Variants in SLC2A6 observed in about 807,000 individuals in gnomAD.
SLC2A6 encodes the protein solute carrier family 2 member 6, also known as solute carrier family 2, facilitated glucose transporter member 6.
Under a neutral mutation model 47.8 loss-of-function variants are expected in SLC2A6, and 39 were observed. That is an observed-to-expected ratio of 0.82 (90% CI 0.63 to 1.07). The LOEUF is 1.07. Among genes scored for constraint, SLC2A6 ranks in the 50% least tolerant of loss-of-function variants. The pLI is 0.00. For synonymous variants in SLC2A6, 346 were observed against 324.1 expected, an observed-to-expected ratio of 1.07 and a Z score of -0.73; for missense variants, 650 against 707.6, an observed-to-expected ratio of 0.92 and a Z score of 0.92.
At chr9:133,477,795 TAAC>T (rs1374015962) in intron 2 of SLC2A6, among the ~76,000 whole-genome samples, 1 of 152,266 alleles carries the variant, frequency 6.6e-6, no homozygotes, top group Non-Finnish European at 1.5e-5. Flanking sequence ...ATTTTTATCT[TAAC>T]TACTATGTTA....
rs781900379 is a variant in SLC2A6 at position 133,474,982 on chromosome 9, G to A, written c.906C>T (p.Phe302=). Residue 302 remains phenylalanine (F), a synonymous_variant, in exon 6 of 10, where the codon TTC becomes TTT. Transcript: ENST00000371899. ...TPILVYLQSI[F]DSTAVLLPPK... ...TCACCAGCAGGACAGCGGTGCTGTC[G>A]AAGATGGACTGCAGGTAGACCAGGA... The A allele has an allele frequency of 3.2e-6, 5 of 1,583,396 alleles. No homozygotes were observed. Among genetic ancestry groups the A allele is most frequent in the African/African-American group, 2.7e-5 (2 of 74,246 alleles).
intron 3 of SLC2A6, among the ~76,000 whole-genome samples, chr9:133,476,749 C>G (rs1213576515): frequency 6.6e-6 from 1 of 152,192 alleles, no homozygotes; most frequent in Non-Finnish European, 1.5e-5. Flanking sequence ...CTCTCCTACC[C>G]ATTGCTCAAT....
chr9:133,478,131 G>A (rs1200566592), intron 2 of SLC2A6, 123 bp downstream of exon 2: 7 of 999,184 alleles, frequency 7.0e-6, no homozygotes, highest in Non-Finnish European at 1.0e-5. Flanking sequence ...ATGGCTGGGG[G>A]AGGGGGGACC....
At position 133,473,253 on chromosome 9, in the gene SLC2A6, G is replaced by A; in HGVS notation, c.1223-3C>T. On this transcript the variant is annotated splice_polypyrimidine_tract_variant and splice_region_variant and intron_variant, in intron 8 of 9. Coordinates refer to ENST00000371899, the MANE Select transcript of SLC2A6 (RefSeq NM_017585.4). ...GGGACCCCAGCCCACGGCGTAGCCTGCTCGGAGGAGGAGGCAGGTTCAGGC... is the reference window on the plus strand; with the variant it reads ...GGGACCCCAGCCCACGGCGTAGCCTACTCGGAGGAGGAGGCAGGTTCAGGC... 1 of 1,568,164 alleles carries A rather than the reference G, an allele frequency of 6.4e-7. No individual in the cohort carries two copies. Among genetic ancestry groups the A allele is most frequent in the Non-Finnish European group, 8.6e-7 (1 of 1,157,304 alleles).
intron 5 of SLC2A6, 112 bp downstream of exon 5, chr9:133,475,288 T>G (rs1045906237): frequency 2.3e-5 from 31 of 1,359,580 alleles, no homozygotes; most frequent in Non-Finnish European, 3.0e-5. Context: ...CCCAGGCACT[T>G]GGATTAGTGG....
intron 4 of SLC2A6, 113 bp from the exon 5 acceptor site, chr9:133,475,724 C>G: frequency 1.0e-6 from 1 of 967,442 alleles, no homozygotes; most frequent in Non-Finnish European, 1.5e-6. Flanking sequence ...GGGCCATCTC[C>G]TACAGGAAGC....
chr9:133,475,920 A>G (rs1300339111), intron 4 of SLC2A6, among the ~76,000 whole-genome samples: 3 of 152,212 alleles, frequency 2.0e-5, no homozygotes, highest in Non-Finnish European at 4.4e-5. Flanking sequence ...ACGCACTGTG[A>G]TTTCTTTTCT....
rs1034085401 is a variant in SLC2A6 at position 133,473,559 on chromosome 9, T to G, written c.1078A>C (p.Ile360Leu). The G allele has an allele frequency of 6.4e-7, 1 of 1,566,602 alleles. No homozygotes were observed. Among genetic ancestry groups the G allele is most frequent in the Non-Finnish European group, 8.6e-7 (1 of 1,157,650 alleles). Residue 360 changes from isoleucine to leucine, a missense_variant, in exon 8 of 10, where the codon ATC (isoleucine) becomes CTC (leucine). Coordinates refer to ENST00000371899, the MANE Select transcript of SLC2A6 (RefSeq NM_017585.4). ...CTCAGAGGCCTGGGGCCAAAGTGGA[T>G]GTACAGCCCCAGAGTCAGGTTGGCA... ...FAANLTLGLY[I>L]HFGPRPLSPN...
chr9:133,474,394 G>A (rs899010086), intron 6 of SLC2A6, among the ~76,000 whole-genome samples: 1 of 152,222 alleles, frequency 6.6e-6, no homozygotes, highest in Non-Finnish European at 1.5e-5. Context: ...CTTGGGGCAG[G>A]CTGATGGAGA....
chr9:133,473,107 C>A lies in SLC2A6; in HGVS notation c.1366G>T (p.Val456Leu). 6.2e-7 allele frequency: 1 copy of A among 1,608,968 alleles called. No homozygotes were observed. The change falls in exon 9 of 10, where the codon GTG becomes TTG. Residue 456 changes from valine (V) to leucine (L), a missense_variant and splice_region_variant. Coordinates refer to ENST00000371899, the MANE Select transcript of SLC2A6 (RefSeq NM_017585.4). ...FVLTKSFLPVVSTFGLQVPFF... is the reference protein window; with the variant it reads ...FVLTKSFLPVLSTFGLQVPFF... ...GGGGCCTGGGGCTGAACACTCACCA[C>A]CACTGGCAGGAAGGACTTGGTGAGG... is the stretch of plus-strand genomic sequence containing the variant.
rs1194824568 is a variant in SLC2A6 at position 133,471,677 on chromosome 9, C to T, written c.*344G>A. 1 of 232,858 alleles carries T rather than the reference C, an allele frequency of 4.3e-6. No homozygotes were observed. Among genetic ancestry groups the T allele is most frequent in the Non-Finnish European group, 8.4e-6 (1 of 118,592 alleles). The allele number at this position is 232,858 out of a possible 1,614,324, so 14.4% of individuals were successfully genotyped here. A position where few individuals can be genotyped will look rare whatever the true frequency, so the allele number is the denominator to read the frequency against. Reference sequence around the variant, plus strand: ...TGCCTCCAGCCCTGTCCTCTCAGTCCTCCCCGTAGCCTTCTGTGGGGCGTG... The same window carrying T: ...TGCCTCCAGCCCTGTCCTCTCAGTCTTCCCCGTAGCCTTCTGTGGGGCGTG... On this transcript the variant is annotated 3_prime_UTR_variant, in exon 10 of 10. Transcript: ENST00000371899.
rs781848973 is a variant in SLC2A6 at position 133,473,430 on chromosome 9, T to C, written c.1207A>G (p.Met403Val). 3.1e-6 allele frequency: 5 copies of C among 1,602,868 alleles called. No homozygotes were observed. Among genetic ancestry groups the C allele is most frequent in the Non-Finnish European group, 4.3e-6 (5 of 1,175,650 alleles). ...CCACACCTACCCATGATGAAGAGCA[T>C]GGTGGCCAGCAGGGGCACCAGGGTG... ...YLTLVPLLAT[M>V]LFIMGYAVGW... The change falls in exon 8 of 10, where the codon ATG becomes GTG. Residue 403 changes from methionine to valine, a missense_variant. Transcript: ENST00000371899.
At position 133,477,056 on chromosome 9, in the gene SLC2A6, C is replaced by A. The variant is rs34209214; in HGVS notation, c.441G>T (p.Gly147=). 0.041 allele frequency: 62,945 copies of A among 1,546,384 alleles called. 1,544 individuals carry two copies. The highest frequency in any genetic ancestry group is 0.043 in the Non-Finnish European group (48,891 of 1,146,088). The change falls in exon 3 of 10, where the codon GGG becomes GGT. Residue 147 remains glycine (G), a synonymous_variant. Transcript: ENST00000371899. ...TTACCGGGATGCAGGCAGCTGTGAG[C>A]CCCCCGGCGAAGCCCGTCAGCGTCC... ...LGRTLTGFAG[G]LTAACIPVYV...
rs953036421 is a variant in SLC2A6, at chr9:133,471,341, A to C, written c.*680T>G. The C allele has an allele frequency of 6.6e-6, 1 of 150,894 alleles. No individual in the cohort carries two copies. The highest frequency in any genetic ancestry group is 1.5e-5 in the Non-Finnish European group (1 of 68,022). 9.3% of individuals were successfully genotyped at this position (150,894 alleles called of 1,614,324 possible). ...TCCCGGGTTCAAGCAATGCTGCCTCAGCCTCCCAAGTAGCTGGAACTACGG... is the reference window on the plus strand; with the variant it reads ...TCCCGGGTTCAAGCAATGCTGCCTCCGCCTCCCAAGTAGCTGGAACTACGG... On this transcript the variant is annotated 3_prime_UTR_variant, in exon 10 of 10. Transcript: ENST00000371899.
In SLC2A6 at chr9:133,473,424, A is replaced by G. The variant is rs782462637; in HGVS notation, c.1213T>C (p.Phe405Leu). 1 of 1,601,080 alleles carries G rather than the reference A, an allele frequency of 6.2e-7. No homozygotes were observed. Among genetic ancestry groups the G allele is most frequent in the East Asian group, 2.2e-5 (1 of 44,722 alleles). ...TLVPLLATML[F>L]IMGYAVGWGP... ...CCACCACCACACCTACCCATGATGA[A>G]GAGCATGGTGGCCAGCAGGGGCACC... The change falls in exon 8 of 10, where the codon TTC becomes CTC. Residue 405 changes from phenylalanine (F) to leucine (L), a missense_variant. Transcript: ENST00000371899.
chr9:133,473,961 C>G lies in SLC2A6; in HGVS notation c.1036+19G>C. The stretch of plus-strand genomic sequence containing the variant: ...CATGCGGAGGAGTGGGGCAGGAGGG[C>G]TGCCTGCAGGGTGCTTACCTGAGAC... On this transcript the variant is annotated intron_variant, in intron 7 of 9. Coordinates refer to ENST00000371899, the MANE Select transcript of SLC2A6 (RefSeq NM_017585.4). 1 of 1,577,342 alleles carries G rather than the reference C, an allele frequency of 6.3e-7. No individual in the cohort carries two copies. Among genetic ancestry groups the G allele is most frequent in the African/African-American group, 1.3e-5 (1 of 74,542 alleles).
rs1554804192 is a variant in SLC2A6 at position 133,479,006 on chromosome 9, C to T, written c.54G>A (p.Glu18=). 6.3e-7 allele frequency: 1 copy of T among 1,599,632 alleles called. No homozygotes were observed. Among genetic ancestry groups the T allele is most frequent in the South Asian group, 1.1e-5 (1 of 89,966 alleles). ...AEGPDYDTFP[E]KPPPSPGDRA... The stretch of plus-strand genomic sequence containing the variant: ...TGTCCCCTGGCGACGGGGGCGGCTT[C>T]TCGGGGAAGGTGTCGTAGTCCGGGC... Residue 18 remains glutamate (E), a synonymous_variant, in exon 1 of 10, where the codon GAG becomes GAA. Coordinates refer to ENST00000371899, the MANE Select transcript of SLC2A6 (RefSeq NM_017585.4).
chr9:133,473,649 T>C (rs1843823615), intron 7 of SLC2A6, 49 bp from the exon 8 acceptor site: 2 of 1,461,078 alleles, frequency 1.4e-6, no homozygotes, highest in Non-Finnish European at 1.8e-6. Flanking sequence ...CTGAGCCAGC[T>C]GTTTCTCTCA....
Position 133,475,575 on chromosome 9 carries a change from C to T in SLC2A6, c.599G>A (p.Gly200Glu), listed in dbSNP as rs1554803130. 2 of 1,606,262 alleles carry T rather than the reference C, an allele frequency of 1.2e-6. No individual in the cohort carries two copies. Among genetic ancestry groups the T allele is most frequent in the African/African-American group, 1.3e-5 (1 of 74,962 alleles). ...LLPWRWLAVAGEAPVLIMILL... is the reference protein window; with the variant it reads ...LLPWRWLAVAEEAPVLIMILL... ...GATCATGATGAGCACAGGCGCCTCC[C>T]CGGCCACAGCCAGCCAGCGCCACGG... The change falls in exon 5 of 10, where the codon GGG becomes GAG. Residue 200 changes from glycine (G) to glutamate (E), a missense_variant. Transcript: ENST00000371899.
Sources: allele counts gnomAD v4.1 joint callset (sites outside exome capture counted in the v4.1 genomes callset), GRCh38; gene constraint gnomAD v4.1.1; transcripts MANE v1.5; gene names NCBI Gene and HGNC (gene_info 2026-07-23, HGNC 2026-07-21).